Variants in KCNMB1 observed in about 807,000 individuals in gnomAD.
KCNMB1 encodes the protein calcium-activated potassium channel subunit beta-1.
KCNMB1 carries 22 observed loss-of-function variants against 21.7 expected under a neutral mutation model. That is an observed-to-expected ratio of 1.01 (90% CI 0.72 to 1.45). The LOEUF is 1.45. KCNMB1 is among the 40% of genes most tolerant of loss of function. KCNMB1 has a pLI of 0.00. For synonymous variants in KCNMB1, 114 were observed against 107.6 expected, an observed-to-expected ratio of 1.06 and a Z score of -0.37; for missense variants, 243 against 243.4, an observed-to-expected ratio of 1.00 and a Z score of 0.01.
intron 3 of KCNMB1, among the ~76,000 whole-genome samples, chr5:170,381,621 C>T (rs1368113471): frequency 6.6e-6 from 1 of 152,216 alleles, no homozygotes; most frequent in African/African-American, 2.4e-5. Flanking sequence ...ATCAGCACCA[C>T]ACCTGGTCAA....
rs1763942221 is a variant in KCNMB1, at chr5:170,374,773, C to T, written c.*3931G>A. 6.6e-6 allele frequency: 1 copy of T among 152,144 alleles called. No individual in the cohort carries two copies. The highest frequency in any genetic ancestry group is 1.5e-5 in the Non-Finnish European group (1 of 68,036). The allele number at this position is 152,144 out of a possible 1,614,324, so 9.4% of individuals were successfully genotyped here. ...GGCACAGGGTCTAACTCCATCATGCCTAAATTCCCATTATTTCATGCTTAT... is the reference window on the plus strand; with the variant it reads ...GGCACAGGGTCTAACTCCATCATGCTTAAATTCCCATTATTTCATGCTTAT... On this transcript the variant is annotated 3_prime_UTR_variant, in exon 4 of 4. Transcript: ENST00000274629.
chr5:170,378,593 G>A lies in KCNMB1; in HGVS notation c.*111C>T. On this transcript the variant is annotated 3_prime_UTR_variant, in exon 4 of 4. Transcript: ENST00000274629. ...ACAGAAGACAGCGTGGATTGGACTG[G>A]AAGAGTGGGAGGGCAGGTGGAGAAG... 1 of 1,140,716 alleles carries A rather than the reference G, an allele frequency of 8.8e-7. No individual in the cohort carries two copies. The highest frequency in any genetic ancestry group is 1.3e-6 in the Non-Finnish European group (1 of 798,898). 70.7% of individuals were successfully genotyped at this position (1,140,716 alleles called of 1,614,324 possible).
At chr5:170,383,904 A>G in intron 2 of KCNMB1, 54 bp from the exon 3 acceptor site, 1 of 1,574,548 alleles carries the variant, frequency 6.4e-7, no homozygotes, top group Non-Finnish European at 8.7e-7. Flanking sequence ...GGTGACACAC[A>G]GAACACCCAT....
At chr5:170,386,196 C>A (rs186385) in intron 1 of KCNMB1, among the ~76,000 whole-genome samples, 13,871 of 151,918 alleles carry the variant, frequency 0.091, 778 homozygotes, top group East Asian at 0.2. Context: ...ATCCATGTAG[C>A]TCCTAAATGT....
At chr5:170,380,309 C>T (rs1764188628) in intron 3 of KCNMB1, among the ~76,000 whole-genome samples, 1 of 152,200 alleles carries the variant, frequency 6.6e-6, no homozygotes. Flanking sequence ...CAGGTCCCTA[C>T]CCACTCTGCA....
chr5:170,383,236 A>C (rs897822406), intron 3 of KCNMB1: 10 of 299,088 alleles, frequency 3.3e-5, no homozygotes, highest in Admixed American at 1.4e-4. Context: ...AGTCACCGGG[A>C]TTCCACTTTG....
intron 2 of KCNMB1, 111 bp downstream of exon 2, chr5:170,385,203 C>T (rs1417776499): frequency 7.6e-6 from 9 of 1,187,734 alleles, no homozygotes; most frequent in African/African-American, 1.5e-5. Flanking sequence ...CTTGACCCTG[C>T]TGCCTTGAAT....
At chr5:170,383,334 C>T (rs889392006) in intron 3 of KCNMB1, 10 of 563,860 alleles carry the variant, frequency 1.8e-5, no homozygotes, top group African/African-American at 1.1e-4. Context: ...TTTGAGTGCC[C>T]ACTATCCACT....
Position 170,377,893 on chromosome 5 carries a change from G to C in KCNMB1, c.*811C>G, listed in dbSNP as rs1764073801. On this transcript the variant is annotated 3_prime_UTR_variant, in exon 4 of 4. Transcript: ENST00000274629. ...GGCCCAGAGGGGTTTTTAAGATTGT[G>C]TGTTCTGAATGGCCTGTCTCTGACT... is the stretch of plus-strand genomic sequence containing the variant. 1 of 152,156 alleles carries C rather than the reference G, an allele frequency of 6.6e-6. No homozygotes were observed. Among genetic ancestry groups the C allele is most frequent in the African/African-American group, 2.4e-5 (1 of 41,436 alleles). 9.4% of individuals were successfully genotyped at this position (152,156 alleles called of 1,614,324 possible).
chr5:170,384,382 G>A (rs752526797), intron 2 of KCNMB1, among the ~76,000 whole-genome samples: 2 of 152,212 alleles, frequency 1.3e-5, no homozygotes, highest in Admixed American at 1.3e-4. Flanking sequence ...CCCCTAAAAG[G>A]AGCAGATGTA....
rs1304177598 is a variant in KCNMB1 at position 170,383,870 on chromosome 5, G to A, written c.135-20C>T. On this transcript the variant is annotated intron_variant, in intron 2 of 3. Transcript: ENST00000274629. ...CACACGCTGAGGAGACCACACACAT[G>A]CACACATACACATCTCAGAACTGGG... 1 of 1,612,156 alleles carries A rather than the reference G, an allele frequency of 6.2e-7. No homozygotes were observed. Among genetic ancestry groups the A allele is most frequent in the South Asian group, 1.1e-5 (1 of 90,800 alleles).
rs757810542 is a variant in KCNMB1, at chr5:170,383,847, C to T, written c.138G>A (p.Val46=). 2 of 1,613,922 alleles carry T rather than the reference C, an allele frequency of 1.2e-6. No homozygotes were observed. The highest frequency in any genetic ancestry group is 1.1e-5 in the South Asian group (1 of 91,020). The change falls in exon 3 of 4, where the codon GTG becomes GTA. Residue 46 remains valine, a synonymous_variant. Transcript: ENST00000274629. ...TTVLPLYQKS[V]WTQESKCHLI... ...GGTGGCACTTGGATTCCTGGGTCCA[C>T]ACGCTGAGGAGACCACACACATGCA...
In KCNMB1 at chr5:170,385,389, C is replaced by T; in HGVS notation, c.59G>A (p.Gly20Asp). The change falls in exon 2 of 4, where the codon GGT (glycine) becomes GAT (aspartate). Residue 20 changes from glycine to aspartate, a missense_variant. By Grantham distance (94) the Gly-to-Asp change is moderately conservative. Coordinates refer to ENST00000274629, the MANE Select transcript of KCNMB1 (RefSeq NM_004137.4). Reference sequence around the variant, plus strand: ...GACGGCACACACCACCATGGTTACACCCAGGCAAAGGGCTCGTGTCTCTCC... The same window carrying T: ...GACGGCACACACCACCATGGTTACATCCAGGCAAAGGGCTCGTGTCTCTCC... ...KRGETRALCL[G>D]VTMVVCAVIT... is the part of the protein sequence containing the mutation. 6.2e-7 allele frequency: 1 copy of T among 1,614,108 alleles called. No individual in the cohort carries two copies. Among genetic ancestry groups the T allele is most frequent in the Non-Finnish European group, 8.5e-7 (1 of 1,180,016 alleles).
chr5:170,385,710 GGTCACACAGTAT>G (rs55736235), intron 1 of KCNMB1, among the ~76,000 whole-genome samples: 37,942 of 151,864 alleles, frequency 0.25, 4,947 homozygotes, highest in African/African-American at 0.32. Context: ...ACTTGCCCTA[GGTCACACAGTAT>G]GTAATAGGCT....
In KCNMB1 at chr5:170,379,118, T is replaced by C. The variant is rs115085637; in HGVS notation, c.307-145A>G. The C allele has an allele frequency of 1.4e-3, 1,372 of 958,070 alleles. 10 individuals carry two copies. In the African/African-American group the frequency reaches 0.019, roughly 14 times the overall value. The allele number at this position is 958,070 out of a possible 1,614,324, so 59.3% of individuals were successfully genotyped here. ...CTTTGGTCTAAAGCTTGGCAGGCCATGCGCTGTACAGGTCTGGAGAGCACG... is the reference window on the plus strand; with the variant it reads ...CTTTGGTCTAAAGCTTGGCAGGCCACGCGCTGTACAGGTCTGGAGAGCACG... On this transcript the variant is annotated intron_variant, in intron 3 of 3. Coordinates refer to ENST00000274629, the MANE Select transcript of KCNMB1 (RefSeq NM_004137.4).
rs778693343 is a variant in KCNMB1 at position 170,378,731 on chromosome 5, G to A, written c.549C>T (p.Tyr183=). 5 of 1,613,820 alleles carry A rather than the reference G, an allele frequency of 3.1e-6. No individual in the cohort carries two copies. The South Asian group carries it at 3.3e-5, about 11-fold the overall frequency. Residue 183 remains tyrosine (Y), a synonymous_variant, in exon 4 of 4, where the codon TAC becomes TAT. Coordinates refer to ENST00000274629, the MANE Select transcript of KCNMB1 (RefSeq NM_004137.4). The part of the protein sequence containing the change: ...LIIAMVKSNQ[Y]LSILAAQK ...ACTTCTGGGCCGCCAGGATGGACAG[G>A]TACTGGTTGCTCTTCACCATGGCGA...
chr5:170,386,615 G>C (rs571629724), intron 1 of KCNMB1, among the ~76,000 whole-genome samples: 30 of 152,124 alleles, frequency 2.0e-4, no homozygotes, highest in Middle Eastern at 3.4e-3. Flanking sequence ...CACAGGCAGG[G>C]AAAGGAGAGG....
chr5:170,378,663 C>G lies in KCNMB1; in HGVS notation c.*41G>C. 2 of 1,553,644 alleles carry G rather than the reference C, an allele frequency of 1.3e-6. No individual in the cohort carries two copies. The highest frequency in any genetic ancestry group is 1.7e-6 in the Non-Finnish European group (2 of 1,152,152). On this transcript the variant is annotated 3_prime_UTR_variant, in exon 4 of 4. Coordinates refer to ENST00000274629, the MANE Select transcript of KCNMB1 (RefSeq NM_004137.4). ...GAGCAGCCCTGGGGGCCCAGCCAGTCCCCTGTGCCCTGACAAGTGGTATGG... is the reference window on the plus strand; with the variant it reads ...GAGCAGCCCTGGGGGCCCAGCCAGTGCCCTGTGCCCTGACAAGTGGTATGG...
chr5:170,388,965 C>A (rs373772130), intron 1 of KCNMB1, among the ~76,000 whole-genome samples: 1 of 152,210 alleles, frequency 6.6e-6, no homozygotes, highest in Non-Finnish European at 1.5e-5. Context: ...CACCTCTCTA[C>A]CGGTGACAAG....
Sources: gnomAD v4.1 joint callset for allele counts (sites outside exome capture counted in the v4.1 genomes callset) on GRCh38, gnomAD v4.1.1 for gene constraint, MANE v1.5 for transcripts, NCBI Gene and HGNC (gene_info 2026-07-23, HGNC 2026-07-21) for gene names.